CSGALNACT1: variants seen among roughly 807,000 people sequenced by gnomAD.
The protein encoded by CSGALNACT1 is chondroitin sulfate N-acetylgalactosaminyltransferase 1, also known as beta4GalNAcT-1.
A neutral mutation model predicts 51.0 loss-of-function variants in CSGALNACT1; 52 were observed. That is an observed-to-expected ratio of 1.02 (90% confidence interval 0.82 to 1.29). The LOEUF is 1.29. CSGALNACT1 is among the 50% of genes most tolerant of loss of function. The probability of loss-of-function intolerance (pLI) is 0.00; values close to 1 mark genes in which losing one functional copy is unlikely to be tolerated. For missense variants in CSGALNACT1, 935 were observed against 679.2 expected (o/e 1.38, Z -4.19); for synonymous variants, 341 against 254.4 (o/e 1.34, Z -3.24).
intron 1 of CSGALNACT1, among the ~76,000 whole-genome samples, chr8:19,702,087 A>C (rs1037085977): frequency 6.6e-6 from 1 of 152,174 alleles, no homozygotes; most frequent in African/African-American, 2.4e-5. Context: ...TGCTTGAACC[A>C]TCATTATAGC....
intron 1 of CSGALNACT1, among the ~76,000 whole-genome samples, chr8:19,676,019 A>G (rs1033872329): frequency 6.6e-6 from 1 of 151,058 alleles, no homozygotes; most frequent in African/African-American, 2.4e-5. Flanking sequence ...AACACCACCA[A>G]TAGAGATCGA....
chr8:19,500,773 C>T (rs1166211221), intron 4 of CSGALNACT1, among the ~76,000 whole-genome samples: 1 of 152,210 alleles, frequency 6.6e-6, no homozygotes, highest in Non-Finnish European at 1.5e-5. Flanking sequence ...AAGGTGCCCT[C>T]TTAGTCCATT....
intron 1 of CSGALNACT1, among the ~76,000 whole-genome samples, chr8:19,666,811 G>GAAAGAAAGAC (rs35734602): frequency 3.8e-5 from 1 of 26,354 alleles, no homozygotes; most frequent in Admixed American, 5.0e-4. Context: ...AAGAAAGAAA[G>GAAAGAAAGAC]AGAGAGAGAG....
At chr8:19,427,016 G>C (rs1362576496) in intron 6 of CSGALNACT1, among the ~76,000 whole-genome samples, 1 of 152,166 alleles carries the variant, frequency 6.6e-6, no homozygotes, top group Non-Finnish European at 1.5e-5. Context: ...TCACTTATGA[G>C]CTCTACTTCT....
chr8:19,507,528 GAAAAAAAAAA>G (rs35759799), intron 3 of CSGALNACT1, among the ~76,000 whole-genome samples: 12 of 74,886 alleles, frequency 1.6e-4, no homozygotes, highest in African/African-American at 3.3e-4. Context: ...ATCTTAGCCA[GAAAAAAAAAA>G]AAAAAAAAAA....
intron 3 of CSGALNACT1, among the ~76,000 whole-genome samples, chr8:19,532,523 C>A (rs964823714): frequency 6.6e-6 from 1 of 152,200 alleles, no homozygotes; most frequent in Non-Finnish European, 1.5e-5. Context: ...CACTCCAAAT[C>A]CTCACCACAG....
chr8:19,496,940 A>C (rs754947646), intron 4 of CSGALNACT1, among the ~76,000 whole-genome samples: 1 of 152,164 alleles, frequency 6.6e-6, no homozygotes, highest in Non-Finnish European at 1.5e-5. Flanking sequence ...GGGAGGGGAC[A>C]GGAGCTCCCT....
chr8:19,751,955 A>G (rs2154253863), intron 1 of CSGALNACT1, among the ~76,000 whole-genome samples: 1 of 151,988 alleles, frequency 6.6e-6, no homozygotes, highest in South Asian at 2.1e-4. Context: ...CATCATTGTG[A>G]GAACAGACTA....
chr8:19,556,670 C>G (rs1460771187), intron 3 of CSGALNACT1, among the ~76,000 whole-genome samples: 1 of 152,122 alleles, frequency 6.6e-6, no homozygotes, highest in Non-Finnish European at 1.5e-5. Flanking sequence ...CAAGCAGGCA[C>G]AAGCTATAAT....
At chr8:19,551,144 C>G (rs2087954764) in intron 3 of CSGALNACT1, among the ~76,000 whole-genome samples, 1 of 152,148 alleles carries the variant, frequency 6.6e-6, no homozygotes, top group Non-Finnish European at 1.5e-5. Flanking sequence ...AAAAAAACAA[C>G]TGAAGAAGAA....
At chr8:19,701,901 A>T (rs1367352071) in intron 1 of CSGALNACT1, among the ~76,000 whole-genome samples, 1 of 152,208 alleles carries the variant, frequency 6.6e-6, no homozygotes, top group Non-Finnish European at 1.5e-5. Flanking sequence ...AAATGAATAA[A>T]CACAGATATA....
At chr8:19,702,483 G>A (rs1287988256) in intron 1 of CSGALNACT1, among the ~76,000 whole-genome samples, 1 of 152,020 alleles carries the variant, frequency 6.6e-6, no homozygotes, top group Non-Finnish European at 1.5e-5. Context: ...CTGCACTCCA[G>A]TTTAGGTGTC....
chr8:19,578,613 C>T (rs1045834823), intron 3 of CSGALNACT1, among the ~76,000 whole-genome samples: 2 of 152,116 alleles, frequency 1.3e-5, no homozygotes, highest in African/African-American at 2.4e-5. Flanking sequence ...TATGAACTTA[C>T]ATTTGTGGGT....
intron 1 of CSGALNACT1, among the ~76,000 whole-genome samples, chr8:19,621,412 A>G (rs926482882): frequency 2.0e-5 from 3 of 152,212 alleles, no homozygotes; most frequent in African/African-American, 4.8e-5. Context: ...GTATCTATAG[A>G]AAACCTATGT....
chr8:19,536,304 T>C (rs1309393500), intron 3 of CSGALNACT1, among the ~76,000 whole-genome samples: 3 of 151,234 alleles, frequency 2.0e-5, no homozygotes, highest in African/African-American at 7.3e-5. Context: ...CTTTGTACCT[T>C]CTTCATTTTG....
intron 3 of CSGALNACT1, among the ~76,000 whole-genome samples, chr8:19,553,835 T>C (rs970189806): frequency 2.0e-5 from 3 of 151,010 alleles, no homozygotes; most frequent in African/African-American, 7.3e-5. Flanking sequence ...TGAGAAAACA[T>C]TGCATTGACA....
chr8:19,584,464 C>T (rs1411298021), intron 3 of CSGALNACT1, among the ~76,000 whole-genome samples: 1 of 152,118 alleles, frequency 6.6e-6, no homozygotes, highest in African/African-American at 2.4e-5. Context: ...AATGGTTAAC[C>T]TTGGATTAAT....
intron 4 of CSGALNACT1, 50 bp downstream of exon 3, chr8:19,505,151 A>AC (rs759688932): frequency 1.2e-6 from 2 of 1,608,828 alleles, no homozygotes; most frequent in South Asian, 2.2e-5. Flanking sequence ...GGTGCCAGGA[A>AC]CCCCCAATTC....
chr8:19,501,653 T>C (rs1187364496), intron 4 of CSGALNACT1, among the ~76,000 whole-genome samples: 5 of 152,170 alleles, frequency 3.3e-5, no homozygotes, highest in African/African-American at 1.2e-4. Context: ...TATCAGATGT[T>C]TGGATTGTGA....
Sources: gnomAD v4.1 joint callset for allele counts (sites outside exome capture counted in the v4.1 genomes callset) on GRCh38, gnomAD v4.1.1 for gene constraint, MANE v1.5 for transcripts, NCBI Gene and HGNC (gene_info 2026-07-23, HGNC 2026-07-21) for gene names.